MDGA2: variants seen among roughly 807,000 people sequenced by gnomAD.
MDGA2 encodes MAM domain containing glycosylphosphatidylinositol anchor 2.
MDGA2 carries 40 observed loss-of-function variants against 117.8 expected under a neutral mutation model. That is an observed-to-expected ratio of 0.34 (90% confidence interval 0.26 to 0.44). The LOEUF is 0.44. MDGA2 is among the 20% of genes least tolerant of loss of function. The probability of loss-of-function intolerance (pLI) is 1.00; values close to 1 mark genes in which losing one functional copy is unlikely to be tolerated. For synonymous variants in MDGA2, 452 were observed against 439.0 expected (o/e 1.03, Z -0.37); for missense variants, 1,123 against 1,250.6 (o/e 0.90, Z 1.54).
At chr14:47,071,324 C>T (rs1417407562) in intron 6 of MDGA2, among the ~76,000 whole-genome samples, 1 of 152,004 alleles carries the variant, frequency 6.6e-6, no homozygotes, top group Non-Finnish European at 1.5e-5. Context: ...TATAGAGTTT[C>T]TGATAATAAA....
chr14:47,535,332 A>C (rs2138741589), intron 1 of MDGA2, among the ~76,000 whole-genome samples: 1 of 152,338 alleles, frequency 6.6e-6, no homozygotes, highest in Admixed American at 6.5e-5. Context: ...ATGCAGATGT[A>C]AGTTAGGTAC....
At chr14:47,325,192 C>T (rs1801095242) in intron 1 of MDGA2, among the ~76,000 whole-genome samples, 2 of 152,158 alleles carry the variant, frequency 1.3e-5, no homozygotes, top group East Asian at 3.9e-4. Context: ...CAGTATCTGA[C>T]TGATCTCTCA....
chr14:47,190,558 G>C (rs1256190226), intron 3 of MDGA2, among the ~76,000 whole-genome samples: 3 of 152,034 alleles, frequency 2.0e-5, no homozygotes, highest in Non-Finnish European at 4.4e-5. Flanking sequence ...ATTATCTTTG[G>C]CTACGTAAAA....
At chr14:47,496,930 T>C (rs1341295470) in intron 1 of MDGA2, among the ~76,000 whole-genome samples, 1 of 151,954 alleles carries the variant, frequency 6.6e-6, no homozygotes, top group Non-Finnish European at 1.5e-5. Context: ...CCTCAGATCA[T>C]CAGGCATTAG....
chr14:47,405,241 C>A (rs903992204), intron 1 of MDGA2, among the ~76,000 whole-genome samples: 2 of 152,116 alleles, frequency 1.3e-5, no homozygotes, highest in African/African-American at 4.8e-5. Flanking sequence ...CTTCATCTTA[C>A]AGTTCTTAAT....
intron 1 of MDGA2, among the ~76,000 whole-genome samples, chr14:47,668,311 A>T (rs7154720): frequency 3.3e-5 from 5 of 152,014 alleles, no homozygotes; most frequent in African/African-American, 1.2e-4. Context: ...GAAATAATTA[A>T]GTACATGCCC....
At chr14:46,966,041 A>C (rs1886017669) in intron 8 of MDGA2, among the ~76,000 whole-genome samples, 1 of 150,958 alleles carries the variant, frequency 6.6e-6, no homozygotes, top group Non-Finnish European at 1.5e-5. Flanking sequence ...TTGGTTAAAA[A>C]GTCTATTTAT....
chr14:47,193,144 G>A (rs377447665), intron 3 of MDGA2, among the ~76,000 whole-genome samples: 2 of 151,998 alleles, frequency 1.3e-5, no homozygotes, highest in East Asian at 3.9e-4. Flanking sequence ...CAGTCCTCTC[G>A]AAAAAGTAAG....
At position 47,359,315 on chromosome 14, in the gene MDGA2, C is replaced by CAG. The variant is rs541700228; in HGVS notation, c.281-57766_281-57765insCT. Among the ~76,000 whole-genome samples the CAG allele has an allele frequency of 3.0e-4, 45 of 152,226 alleles. No individual in the cohort carries two copies. The South Asian group carries it at 6.4e-3, about 22-fold the overall frequency. ...GCTGCAGTGAACTGAGATCACACCA[C>CAG]TGCACTCCAACCTGGTGACATAGCG... On this transcript the variant is annotated intron_variant, in intron 1 of 16. Coordinates refer to ENST00000399232, the MANE Select transcript of MDGA2 (RefSeq NM_001113498.3).
chr14:47,044,102 CTTGA>C (rs1212840521), intron 7 of MDGA2, among the ~76,000 whole-genome samples: 1 of 150,932 alleles, frequency 6.6e-6, no homozygotes, highest in Non-Finnish European at 1.5e-5. Context: ...TTAATAAGTT[CTTGA>C]TTGATTGATA....
intron 3 of MDGA2, among the ~76,000 whole-genome samples, chr14:47,184,723 G>T (rs942618784): frequency 2.6e-5 from 4 of 151,586 alleles, no homozygotes; most frequent in African/African-American, 9.7e-5. Flanking sequence ...ATTTTTAGTA[G>T]TAACAATACC....
At chr14:47,568,658 T>A (rs370638595) in intron 1 of MDGA2, among the ~76,000 whole-genome samples, 10 of 152,216 alleles carry the variant, frequency 6.6e-5, no homozygotes, top group African/African-American at 2.2e-4. Context: ...TAATTTCTGT[T>A]AAGAAATATT....
At chr14:47,627,418 T>G (rs985289526) in intron 1 of MDGA2, among the ~76,000 whole-genome samples, 5 of 151,878 alleles carry the variant, frequency 3.3e-5, no homozygotes, top group Admixed American at 6.6e-5. Context: ...GGATTGTGAA[T>G]GCACCAATCG....
chr14:47,645,338 G>A (rs1897507387), intron 1 of MDGA2, among the ~76,000 whole-genome samples: 1 of 151,900 alleles, frequency 6.6e-6, no homozygotes, highest in Non-Finnish European at 1.5e-5. Flanking sequence ...CCGCCTCCCG[G>A]GTTCACGCCA....
At chr14:47,263,544 G>C (rs1235903417) in intron 2 of MDGA2, among the ~76,000 whole-genome samples, 1 of 152,234 alleles carries the variant, frequency 6.6e-6, no homozygotes, top group South Asian at 2.1e-4. Context: ...TTATAGGGTA[G>C]TACAACTGAT....
intron 1 of MDGA2, among the ~76,000 whole-genome samples, chr14:47,470,065 G>A (rs550309734): frequency 6.6e-6 from 1 of 151,916 alleles, no homozygotes; most frequent in African/African-American, 2.4e-5. Flanking sequence ...GATTTTGTGA[G>A]GCTTCCTGTG....
At chr14:47,088,913 A>G (rs1160744413) in intron 6 of MDGA2, among the ~76,000 whole-genome samples, 2 of 152,222 alleles carry the variant, frequency 1.3e-5, no homozygotes, top group African/African-American at 2.4e-5. Context: ...AGAAAATCAT[A>G]AACTGTAAAC....
intron 2 of MDGA2, among the ~76,000 whole-genome samples, chr14:47,223,570 A>G (rs1289262739): frequency 2.0e-5 from 3 of 152,134 alleles, no homozygotes; most frequent in Non-Finnish European, 4.4e-5. Context: ...AAGGCTAGGA[A>G]ATATACTCTT....
At chr14:47,371,185 T>C (rs1220592761) in intron 1 of MDGA2, among the ~76,000 whole-genome samples, 1 of 151,830 alleles carries the variant, frequency 6.6e-6, no homozygotes, top group South Asian at 2.1e-4. Flanking sequence ...GCGATTTTGT[T>C]ATAGGAAGTT....
Sources: gnomAD v4.1 joint callset for allele counts (sites outside exome capture counted in the v4.1 genomes callset) on GRCh38, gnomAD v4.1.1 for gene constraint, MANE v1.5 for transcripts, NCBI Gene and HGNC (gene_info 2026-07-23, HGNC 2026-07-21) for gene names.